Variants in RIMS1 observed in about 807,000 individuals in gnomAD.
RIMS1 encodes regulating synaptic membrane exocytosis protein 1.
In RIMS1, 83 loss-of-function variants were observed where a neutral mutation model predicts 214.1. That is an observed-to-expected ratio of 0.39 (90% CI 0.32 to 0.47). The LOEUF is 0.47. Ranked by LOEUF, RIMS1 falls within the 20% of genes least tolerant of loss-of-function variation. RIMS1 has a pLI of 0.99. For synonymous variants in RIMS1, 793 were observed against 786.8 expected (o/e 1.01, Z -0.13); for missense variants, 2,050 against 2,161.8 (o/e 0.95, Z 1.03).
intron 2 of RIMS1, among the ~76,000 whole-genome samples, chr6:71,989,012 A>G (rs972054625): frequency 6.6e-6 from 1 of 152,176 alleles, no homozygotes; most frequent in Non-Finnish European, 1.5e-5. Flanking sequence ...GAGCAGCTGG[A>G]TTGCCAACAC....
At chr6:72,103,904 G>T (rs954098686) in intron 4 of RIMS1, among the ~76,000 whole-genome samples, 5 of 152,062 alleles carry the variant, frequency 3.3e-5, no homozygotes, top group Non-Finnish European at 7.4e-5. Context: ...TATCAAACTT[G>T]TTTGATATCT....
intron 6 of RIMS1, among the ~76,000 whole-genome samples, chr6:72,225,625 A>G (rs1207609329): frequency 6.6e-6 from 1 of 152,202 alleles, no homozygotes; most frequent in East Asian, 1.9e-4. Context: ...ATGAAAACAA[A>G]TAAACCCCAA....
At chr6:72,023,334 T>C (rs530372459) in intron 2 of RIMS1, among the ~76,000 whole-genome samples, 4 of 152,286 alleles carry the variant, frequency 2.6e-5, no homozygotes, top group African/African-American at 9.6e-5. Context: ...AGTAGCTTTC[T>C]AATGTAATTG....
At chr6:72,249,825 A>C (rs2072272964) in intron 12 of RIMS1, among the ~76,000 whole-genome samples, 1 of 152,132 alleles carries the variant, frequency 6.6e-6, no homozygotes, top group African/African-American at 2.4e-5. Context: ...CGGTGCCTGT[A>C]TAAAATAGGC....
intron 2 of RIMS1, among the ~76,000 whole-genome samples, chr6:72,067,638 C>T (rs1280534820): frequency 6.6e-6 from 1 of 152,180 alleles, no homozygotes; most frequent in Non-Finnish European, 1.5e-5. Flanking sequence ...AGAACATATA[C>T]CCCTTGAGTT....
intron 23 of RIMS1, among the ~76,000 whole-genome samples, chr6:72,283,837 A>C (rs1438383371): frequency 6.6e-6 from 1 of 152,054 alleles, no homozygotes; most frequent in East Asian, 1.9e-4. Flanking sequence ...CTATTGGGCA[A>C]CTTGTGTCTT....
chr6:72,101,694 T>G (rs557405047), intron 4 of RIMS1, among the ~76,000 whole-genome samples: 1 of 152,042 alleles, frequency 6.6e-6, no homozygotes, highest in African/African-American at 2.4e-5. Context: ...ATCTGTTAAA[T>G]TGGTGAAGAA....
intron 4 of RIMS1, among the ~76,000 whole-genome samples, chr6:72,178,234 A>AAGCAGTT (rs1213342802): frequency 6.6e-6 from 1 of 152,150 alleles, no homozygotes; most frequent in African/African-American, 2.4e-5. Context: ...CTTTCCTGGA[A>AAGCAGTT]AGCAGTTCTT....
At chr6:71,952,833 T>C (rs2151150008) in intron 1 of RIMS1, among the ~76,000 whole-genome samples, 1 of 152,202 alleles carries the variant, frequency 6.6e-6, no homozygotes, top group East Asian at 1.9e-4. Context: ...CTTCCTCAGG[T>C]TGGCTGGGTG....
At chr6:72,340,136 GTTTT>G (rs1427559768) in intron 29 of RIMS1, among the ~76,000 whole-genome samples, 1 of 151,796 alleles carries the variant, frequency 6.6e-6, no homozygotes, top group Admixed American at 6.6e-5. Flanking sequence ...GGGGTTGTTT[GTTTT>G]TTTCTTGTAA....
chr6:72,253,155 A>AT (rs1262311883), intron 16 of RIMS1, among the ~76,000 whole-genome samples: 1 of 152,096 alleles, frequency 6.6e-6, no homozygotes, highest in South Asian at 2.1e-4. Flanking sequence ...TAAAAATTCC[A>AT]TTTTTCTGTG....
intron 4 of RIMS1, among the ~76,000 whole-genome samples, chr6:72,114,572 T>G (rs2036711137): frequency 6.6e-6 from 1 of 152,024 alleles, no homozygotes; most frequent in Admixed American, 6.6e-5. Context: ...CTTTGCTGTT[T>G]GCTTGGGTGA....
chr6:72,031,931 A>C (rs1818228605), intron 2 of RIMS1, among the ~76,000 whole-genome samples: 1 of 152,202 alleles, frequency 6.6e-6, no homozygotes, highest in African/African-American at 2.4e-5. Context: ...GCATACATAA[A>C]ATAATTAGAA....
chr6:72,366,253 A>G (rs2098014536), intron 29 of RIMS1, among the ~76,000 whole-genome samples: 1 of 152,208 alleles, frequency 6.6e-6, no homozygotes, highest in Admixed American at 6.5e-5. Flanking sequence ...TAATTTTGAC[A>G]GCTTAAGTGT....
At chr6:72,364,791 A>G (rs1345469293) in intron 29 of RIMS1, among the ~76,000 whole-genome samples, 1 of 152,222 alleles carries the variant, frequency 6.6e-6, no homozygotes, top group Non-Finnish European at 1.5e-5. Flanking sequence ...ATGGGAGACT[A>G]TGAGAAGTGT....
chr6:72,358,194 GAA>G (rs2097708219), intron 29 of RIMS1, among the ~76,000 whole-genome samples: 1 of 151,960 alleles, frequency 6.6e-6, no homozygotes, highest in Admixed American at 6.6e-5. Flanking sequence ...TGATAGATTA[GAA>G]GCATAGGTAC....
chr6:72,099,914 TTTTG>T, intron 3 of RIMS1, 57 bp from the exon 4 acceptor site: 2 of 1,411,484 alleles, frequency 1.4e-6, no homozygotes, highest in Non-Finnish European at 2.0e-6. Flanking sequence ...CATGGCTCAA[TTTTG>T]TTTTTCTTTT....
chr6:72,247,475 C>T (rs772646337), intron 11 of RIMS1, among the ~76,000 whole-genome samples: 1 of 139,946 alleles, frequency 7.1e-6, no homozygotes, highest in African/African-American at 2.6e-5. Flanking sequence ...GTGGAGGTTG[C>T]GGTGAGCCAA....
intron 27 of RIMS1, among the ~76,000 whole-genome samples, chr6:72,308,061 A>T (rs1441496958): frequency 3.3e-5 from 5 of 152,094 alleles, no homozygotes; most frequent in African/African-American, 9.7e-5. Flanking sequence ...ACAACTTTGG[A>T]TTGATATTTG....
Sources: gnomAD v4.1 joint callset for allele counts (sites outside exome capture counted in the v4.1 genomes callset) on GRCh38, gnomAD v4.1.1 for gene constraint, MANE v1.5 for transcripts, NCBI Gene and HGNC (gene_info 2026-07-23, HGNC 2026-07-21) for gene names.